CSMD1: variants seen among roughly 807,000 people sequenced by gnomAD.
CSMD1 encodes the protein CUB and sushi domain-containing protein 1.
A neutral mutation model predicts 417.5 loss-of-function variants in CSMD1; 213 were observed. That is an observed-to-expected ratio of 0.51 (90% CI 0.46 to 0.57). CSMD1 has a LOEUF of 0.57. CSMD1 is among the 20% of genes least tolerant of loss of function. The pLI, the probability that CSMD1 is intolerant of heterozygous loss-of-function variation, is 0.00. For synonymous variants in CSMD1, 2,862 were observed against 1,736.8 expected (o/e 1.65, Z -16.11); for missense variants, 6,923 against 4,529.7 (o/e 1.53, Z -15.17).
intron 3 of CSMD1, among the ~76,000 whole-genome samples, chr8:4,099,577 A>C (rs1258128490): frequency 6.6e-6 from 1 of 152,096 alleles, no homozygotes; most frequent in Non-Finnish European, 1.5e-5. Context: ...GGCATATATC[A>C]ATCAATCAAA....
chr8:3,524,976 C>T (rs1797694754), intron 10 of CSMD1, among the ~76,000 whole-genome samples: 1 of 152,086 alleles, frequency 6.6e-6, no homozygotes, highest in African/African-American at 2.4e-5. Context: ...TCATTAGGCA[C>T]CCCAGGAAAA....
At chr8:3,696,304 G>A (rs1337842405) in intron 7 of CSMD1, among the ~76,000 whole-genome samples, 1 of 152,120 alleles carries the variant, frequency 6.6e-6, no homozygotes, top group African/African-American at 2.4e-5. Context: ...GCAAAATATG[G>A]TGCCTTCCAT....
intron 7 of CSMD1, among the ~76,000 whole-genome samples, chr8:3,668,387 T>C (rs903639610): frequency 5.9e-5 from 9 of 152,156 alleles, no homozygotes; most frequent in Non-Finnish European, 1.3e-4. Flanking sequence ...AATTCTGTTT[T>C]AAATATGTAT....
chr8:4,937,348 G>T (rs931217553), intron 1 of CSMD1, among the ~76,000 whole-genome samples: 6 of 152,180 alleles, frequency 3.9e-5, no homozygotes, highest in Non-Finnish European at 8.8e-5. Flanking sequence ...GTAAAATAGT[G>T]AAAGCACACC....
intron 1 of CSMD1, among the ~76,000 whole-genome samples, chr8:4,747,966 C>G (rs10503273): frequency 0.31 from 47,184 of 152,112 alleles, 8,263 homozygotes; most frequent in Admixed American, 0.45. Context: ...CTTCTACTTA[C>G]CACACCGTAT....
intron 14 of CSMD1, 129 bp downstream of exon 14, chr8:3,407,770 C>A (rs1300991549): frequency 1.2e-6 from 1 of 818,286 alleles, no homozygotes; most frequent in Non-Finnish European, 1.9e-6. Context: ...TTACTACTGT[C>A]ATTTTCATAA....
chr8:3,884,386 A>C (rs2627363), intron 5 of CSMD1, among the ~76,000 whole-genome samples: 5,068 of 152,256 alleles, frequency 0.033, 291 homozygotes, highest in African/African-American at 0.12. Context: ...GGTGCTTGCC[A>C]AAAGTGGCAT....
intron 3 of CSMD1, among the ~76,000 whole-genome samples, chr8:4,284,643 G>C (rs1466897614): frequency 6.6e-6 from 1 of 152,032 alleles, no homozygotes; most frequent in African/African-American, 2.4e-5. Flanking sequence ...CTCCAAGGGT[G>C]GACTCAGGAC....
rs571481212 is a variant in CSMD1 at position 3,005,855 on chromosome 8, C to T, written c.8030-5724G>A. 1.4e-3 allele frequency among the ~76,000 whole-genome samples: 210 copies of T among 152,044 alleles called. 2 individuals are homozygous for T. The highest frequency in any genetic ancestry group is 4.7e-3 in the African/African-American group (193 of 41,430). On this transcript the variant is annotated intron_variant, in intron 52 of 69. Transcript: ENST00000635120. The stretch of plus-strand genomic sequence containing the variant: ...AAACTGGAAGCATTCCCTTTGAAAA[C>T]GGGCACAAGACAGGGATGCCCTCTC...
intron 3 of CSMD1, among the ~76,000 whole-genome samples, chr8:4,147,193 C>T (rs1371239830): frequency 6.6e-6 from 1 of 152,076 alleles, no homozygotes; most frequent in Non-Finnish European, 1.5e-5. Flanking sequence ...GGCAACACTC[C>T]CTCACACAAC....
chr8:4,977,605 T>G (rs1338694777), intron 1 of CSMD1, among the ~76,000 whole-genome samples: 1 of 152,188 alleles, frequency 6.6e-6, no homozygotes, highest in Non-Finnish European at 1.5e-5. Flanking sequence ...ATCACTCTCC[T>G]GAACACGCAC....
intron 1 of CSMD1, among the ~76,000 whole-genome samples, chr8:4,820,761 T>A (rs1388328385): frequency 6.6e-6 from 1 of 152,184 alleles, no homozygotes; most frequent in Non-Finnish European, 1.5e-5. Context: ...AGACATTTAT[T>A]CCTGTTTTTC....
intron 57 of CSMD1, among the ~76,000 whole-genome samples, chr8:2,967,006 T>G (rs1284819570): frequency 6.6e-6 from 1 of 152,214 alleles, no homozygotes; most frequent in Non-Finnish European, 1.5e-5. Flanking sequence ...AAACATGAGT[T>G]AAAGCACTAA....
intron 1 of CSMD1, among the ~76,000 whole-genome samples, chr8:4,920,223 C>G (rs1349676265): frequency 6.6e-6 from 1 of 151,990 alleles, no homozygotes; most frequent in Non-Finnish European, 1.5e-5. Flanking sequence ...GGATCTTCAC[C>G]CCCAAATCTA....
At chr8:2,947,723 T>C (rs2128917170) in intron 68 of CSMD1, among the ~76,000 whole-genome samples, 1 of 152,234 alleles carries the variant, frequency 6.6e-6, no homozygotes. Context: ...GGAGGACAAA[T>C]AACTCCAGGA....
chr8:3,198,274 G>C (rs1796806906), intron 33 of CSMD1, among the ~76,000 whole-genome samples: 1 of 152,180 alleles, frequency 6.6e-6, no homozygotes, highest in Non-Finnish European at 1.5e-5. Context: ...GGCAGACAAG[G>C]TCAGTCACTT....
intron 1 of CSMD1, among the ~76,000 whole-genome samples, chr8:4,774,915 T>G (rs1376941775): frequency 1.3e-5 from 2 of 152,194 alleles, no homozygotes; most frequent in Non-Finnish European, 2.9e-5. Context: ...CCAGGCAGCT[T>G]CCAGCATGAT....
chr8:3,389,572 G>A (rs778834411), intron 17 of CSMD1, among the ~76,000 whole-genome samples: 13 of 152,094 alleles, frequency 8.5e-5, no homozygotes, highest in Non-Finnish European at 1.6e-4. Flanking sequence ...AAACAACAGT[G>A]TATGCACTAC....
At chr8:4,706,631 T>C (rs531400710) in intron 1 of CSMD1, among the ~76,000 whole-genome samples, 3 of 152,358 alleles carry the variant, frequency 2.0e-5, no homozygotes, top group South Asian at 4.1e-4. Context: ...AACAGTATTT[T>C]AGGAGTGAAG....
Sources: allele counts gnomAD v4.1 joint callset (sites outside exome capture counted in the v4.1 genomes callset), GRCh38; gene constraint gnomAD v4.1.1; transcripts MANE v1.5; gene names NCBI Gene and HGNC (gene_info 2026-07-23, HGNC 2026-07-21).